Variants in DUSP16 observed in about 807,000 individuals in gnomAD.
The protein encoded by DUSP16 is dual specificity phosphatase 16, also known as dual specificity protein phosphatase 16.
DUSP16 carries 21 observed loss-of-function variants against 58.3 expected under a neutral mutation model. The observed-to-expected ratio is 0.36, with a 90% CI of 0.26 to 0.52. The LOEUF is 0.52. DUSP16 is among the 20% of genes least tolerant of loss of function. The probability of loss-of-function intolerance (pLI) is 0.94; values close to 1 mark genes in which losing one functional copy is unlikely to be tolerated. For missense variants in DUSP16, 726 were observed against 819.0 expected (o/e 0.89, Z 1.39); for synonymous variants, 320 against 323.8 (o/e 0.99, Z 0.12).
chr12:12,512,183 T>G (rs1216073661), intron 3 of DUSP16, among the ~76,000 whole-genome samples: 1 of 152,162 alleles, frequency 6.6e-6, no homozygotes, highest in Non-Finnish European at 1.5e-5. Context: ...CAGCAGCCAG[T>G]GAGCAAACAG....
chr12:12,541,083 C>A (rs748212703), intron 1 of DUSP16, among the ~76,000 whole-genome samples: 16 of 151,336 alleles, frequency 1.1e-4, no homozygotes, highest in Non-Finnish European at 1.9e-4. Flanking sequence ...CTCAGCCTCC[C>A]GAGTAACTGG....
intron 4 of DUSP16, among the ~76,000 whole-genome samples, chr12:12,492,150 C>T (rs1943769554): frequency 1.3e-5 from 2 of 152,194 alleles, no homozygotes; most frequent in African/African-American, 4.8e-5. Context: ...ACAATGCTAC[C>T]TGATCTAACT....
chr12:12,540,321 C>A (rs1419864547), intron 1 of DUSP16, among the ~76,000 whole-genome samples: 1 of 151,704 alleles, frequency 6.6e-6, no homozygotes, highest in Non-Finnish European at 1.5e-5. Context: ...CAGAGTGAGA[C>A]CCTGTCTTAA....
chr12:12,547,194 C>T (rs556537396), intron 1 of DUSP16, among the ~76,000 whole-genome samples: 5 of 152,034 alleles, frequency 3.3e-5, no homozygotes, highest in Admixed American at 2.0e-4. Context: ...CTTAGGAGGC[C>T]GAGGCAGGTG....
chr12:12,552,840 G>A (rs577374724), intron 1 of DUSP16, among the ~76,000 whole-genome samples: 1 of 152,156 alleles, frequency 6.6e-6, no homozygotes, highest in Non-Finnish European at 1.5e-5. Context: ...GAGTGCAATG[G>A]CAGGATCTCG....
At chr12:12,547,195 G>T (rs977091658) in intron 1 of DUSP16, among the ~76,000 whole-genome samples, 4 of 152,102 alleles carry the variant, frequency 2.6e-5, no homozygotes, top group African/African-American at 9.7e-5. Context: ...TTAGGAGGCC[G>T]AGGCAGGTGG....
chr12:12,482,520 A>G (rs1943591426), intron 5 of DUSP16, among the ~76,000 whole-genome samples: 1 of 139,246 alleles, frequency 7.2e-6, no homozygotes, highest in Non-Finnish European at 1.6e-5. Flanking sequence ...TGTGTCTTCA[A>G]GCAAAGGAAT....
In DUSP16 at chr12:12,503,373, A is replaced by G. The variant is rs540808584; in HGVS notation, c.368-2691T>C. 5.3e-5 allele frequency among the ~76,000 whole-genome samples: 8 copies of G among 152,036 alleles called. No homozygotes were observed. In the East Asian group the frequency reaches 1.2e-3, roughly 22 times the overall value. ...CCCGAGTAGCTGGGACTACAGGCGC[A>G]TGCCACCACATTTGGCTAATTTTTT... On this transcript the variant is annotated intron_variant, in intron 3 of 6. Coordinates refer to ENST00000298573, the MANE Select transcript of DUSP16 (RefSeq NM_030640.3).
At chr12:12,532,400 C>T (rs897320706) in intron 1 of DUSP16, among the ~76,000 whole-genome samples, 3 of 152,128 alleles carry the variant, frequency 2.0e-5, no homozygotes, top group Non-Finnish European at 2.9e-5. Flanking sequence ...AAAGTCAAGT[C>T]TCAGAACAGC....
intron 1 of DUSP16, among the ~76,000 whole-genome samples, chr12:12,558,470 C>T (rs1944844397): frequency 6.6e-6 from 1 of 151,994 alleles, no homozygotes; most frequent in Admixed American, 6.6e-5. Context: ...CAGCCTTGAC[C>T]TCCCAGGCTC....
rs56941943 is a variant in DUSP16, at chr12:12,486,481, AGTGTGTGTGTGTGTGT to A, written c.691+531_691+546del. On this transcript the variant is annotated intron_variant, in intron 5 of 6. Transcript: ENST00000298573. ...ATTGCCAGGAAAATAACCAAATGAGAGTGTGTGTGTGTGTGTGTGTGTGTGTGTGTGTGTGTGAAAA... is the reference window on the plus strand; with the variant it reads ...ATTGCCAGGAAAATAACCAAATGAGAGTGTGTGTGTGTGTGTGTGTGAAAA... 8.4e-4 allele frequency among the ~76,000 whole-genome samples: 124 copies of A among 147,374 alleles called. 1 individual carries two copies. Among genetic ancestry groups the A allele is most frequent in the Admixed American group, 3.4e-3 (51 of 14,800 alleles).
chr12:12,519,850 C>G lies in DUSP16; in HGVS notation c.367+12G>C. On this transcript the variant is annotated intron_variant, in intron 3 of 6. Transcript: ENST00000298573. The stretch of plus-strand genomic sequence containing the variant: ...AGATTCTGAGTCCTTTTAATTCCAT[C>G]ACGAGCCTTACCTGCAAGCAGGTGA... The G allele has an allele frequency of 6.2e-7, 1 of 1,613,882 alleles. No individual in the cohort carries two copies. The highest frequency in any genetic ancestry group is 2.2e-5 in the East Asian group (1 of 44,868).
intron 3 of DUSP16, among the ~76,000 whole-genome samples, chr12:12,510,737 G>C (rs1944065425): frequency 6.6e-6 from 1 of 152,160 alleles, no homozygotes; most frequent in Non-Finnish European, 1.5e-5. Context: ...ATGGTAAGTG[G>C]CCAAAGGCAT....
chr12:12,548,158 TCAA>T (rs1397843893), intron 1 of DUSP16, among the ~76,000 whole-genome samples: 2 of 151,800 alleles, frequency 1.3e-5, no homozygotes, highest in Non-Finnish European at 2.9e-5. Flanking sequence ...ATCCTACAAC[TCAA>T]CAACAAAAAA....
chr12:12,560,106 A>C (rs1944874064), intron 1 of DUSP16, among the ~76,000 whole-genome samples: 1 of 152,180 alleles, frequency 6.6e-6, no homozygotes, highest in Admixed American at 6.5e-5. Context: ...AAAAAGGAGC[A>C]AAACTGGATA....
At chr12:12,530,369 T>C (rs992630907) in intron 1 of DUSP16, among the ~76,000 whole-genome samples, 3 of 152,202 alleles carry the variant, frequency 2.0e-5, no homozygotes, top group Admixed American at 6.5e-5. Context: ...TTTCTTGCCA[T>C]TGAGTTGTTG....
intron 1 of DUSP16, among the ~76,000 whole-genome samples, chr12:12,529,372 A>C (rs1212417655): frequency 2.0e-5 from 3 of 152,240 alleles, no homozygotes; most frequent in Non-Finnish European, 4.4e-5. Context: ...GGCCTCCAAA[A>C]GTGCTGGGAT....
At chr12:12,557,797 G>C (rs1203644009) in intron 1 of DUSP16, among the ~76,000 whole-genome samples, 1 of 152,154 alleles carries the variant, frequency 6.6e-6, no homozygotes, top group Non-Finnish European at 1.5e-5. Flanking sequence ...TAGAATATAA[G>C]TTACGTAAGG....
chr12:12,544,029 C>T (rs187467504), intron 1 of DUSP16, among the ~76,000 whole-genome samples: 2 of 151,994 alleles, frequency 1.3e-5, no homozygotes, highest in Non-Finnish European at 2.9e-5. Context: ...AATAAGCATA[C>T]ACAAATCATG....
Sources: gnomAD v4.1 joint callset for allele counts (sites outside exome capture counted in the v4.1 genomes callset) on GRCh38, gnomAD v4.1.1 for gene constraint, MANE v1.5 for transcripts, NCBI Gene and HGNC (gene_info 2026-07-23, HGNC 2026-07-21) for gene names.